The following GRM8 variants were observed in gnomAD, a reference collection of about 807,000 sequenced individuals.
GRM8 encodes the protein metabotropic glutamate receptor 8.
A neutral mutation model predicts 87.2 loss-of-function variants in GRM8; 47 were observed. The ratio of observed to expected loss-of-function variants is 0.54; its 90% CI spans 0.43 to 0.69. The LOEUF is 0.69. Ranked by LOEUF, GRM8 falls within the 30% of genes least tolerant of loss-of-function variation. The probability of loss-of-function intolerance (pLI) is 0.00; values close to 1 mark genes in which losing one functional copy is unlikely to be tolerated. For synonymous variants in GRM8, 396 were observed against 404.5 expected, an observed-to-expected ratio of 0.98 and a Z score of 0.25; for missense variants, 1,019 against 1,139.2, an observed-to-expected ratio of 0.89 and a Z score of 1.52.
chr7:126,758,014 T>C (rs968191527), intron 7 of GRM8, among the ~76,000 whole-genome samples: 5 of 152,114 alleles, frequency 3.3e-5, no homozygotes, highest in Non-Finnish European at 7.4e-5. Flanking sequence ...CTTTTGGGAA[T>C]AGATGAATAA....
At chr7:126,776,817 C>T (rs1206255092) in intron 6 of GRM8, among the ~76,000 whole-genome samples, 1 of 152,140 alleles carries the variant, frequency 6.6e-6, no homozygotes, top group African/African-American at 2.4e-5. Flanking sequence ...GAACAAGATG[C>T]TCTGTCAGGG....
At chr7:126,971,098 T>C (rs1810370929) in intron 3 of GRM8, among the ~76,000 whole-genome samples, 1 of 148,734 alleles carries the variant, frequency 6.7e-6, no homozygotes, top group Non-Finnish European at 1.5e-5. Flanking sequence ...ACACACGCTG[T>C]TGGAAAAATG....
intron 3 of GRM8, among the ~76,000 whole-genome samples, chr7:126,906,529 A>G (rs1802693181): frequency 6.6e-6 from 1 of 152,134 alleles, no homozygotes; most frequent in Non-Finnish European, 1.5e-5. Context: ...CTAAGACATC[A>G]AATAACTTGG....
At chr7:127,078,305 C>A (rs1822498005) in intron 3 of GRM8, among the ~76,000 whole-genome samples, 1 of 152,200 alleles carries the variant, frequency 6.6e-6, no homozygotes, top group Non-Finnish European at 1.5e-5. Context: ...CACCGTCCTA[C>A]CATCCGTCTA....
intron 7 of GRM8, among the ~76,000 whole-genome samples, chr7:126,684,920 G>A (rs1469009441): frequency 2.0e-5 from 3 of 152,192 alleles, no homozygotes; most frequent in Admixed American, 6.5e-5. Context: ...CTGGCCTAAT[G>A]TGTTACTGAT....
chr7:127,214,308 C>G (rs950700719), intron 2 of GRM8, among the ~76,000 whole-genome samples: 1 of 152,112 alleles, frequency 6.6e-6, no homozygotes, highest in Non-Finnish European at 1.5e-5. Context: ...GATCTGAATA[C>G]TGGTTACATA....
rs138394073 is a variant in GRM8 at position 126,613,041 on chromosome 7, G to C, written c.1358-3543C>G. Among the ~76,000 whole-genome samples, 435 of 152,264 alleles carry C rather than the reference G, an allele frequency of 2.9e-3. 11 individuals are homozygous for C. The South Asian group carries it at 0.042, about 15-fold the overall frequency. On this transcript the variant is annotated intron_variant, in intron 7 of 10. Transcript: ENST00000339582. ...TCTTGTTTTCCTAATGCGATTTCTA[G>C]TCTTAAATTAGGCTTGCAGTTGAAT...
intron 8 of GRM8, among the ~76,000 whole-genome samples, chr7:126,594,612 G>A (rs536201584): frequency 6.6e-6 from 1 of 152,162 alleles, no homozygotes; most frequent in South Asian, 2.1e-4. Context: ...TTGGGCAAAA[G>A]ATACAAAATT....
chr7:126,446,108 A>G lies in GRM8; in HGVS notation c.2677+18T>C, dbSNP rs747623488. On this transcript the variant is annotated intron_variant, in intron 10 of 10. Transcript: ENST00000339582. ...GTGCTCCCGCTCTTGACCATCGGAA[A>G]CTCTACAGATGACTTACTGTTGGTT... 1.3e-5 allele frequency: 21 copies of G among 1,612,266 alleles called. No homozygotes were observed. In the East Asian group the frequency reaches 4.0e-4, roughly 31 times the overall value.
chr7:126,994,112 C>A (rs1812942149), intron 3 of GRM8, among the ~76,000 whole-genome samples: 1 of 152,134 alleles, frequency 6.6e-6, no homozygotes, highest in African/African-American at 2.4e-5. Flanking sequence ...GACAGAAGAG[C>A]AAAGAGACTT....
At position 127,012,186 on chromosome 7, in the gene GRM8, C is replaced by T. The variant is rs1016585455; in HGVS notation, c.727+94310G>A. 6.6e-5 allele frequency among the ~76,000 whole-genome samples: 10 copies of T among 152,278 alleles called. No individual in the cohort carries two copies. The East Asian group carries it at 1.9e-3, about 30-fold the overall frequency. On this transcript the variant is annotated intron_variant, in intron 3 of 10. Coordinates refer to ENST00000339582, the MANE Select transcript of GRM8 (RefSeq NM_000845.3). ...ATATGAGATCCAAGCACCTGCAACT[C>T]CTCAAATCCACCTGAAGCCAATCCA...
At chr7:126,709,253 A>T (rs1810856295) in intron 7 of GRM8, among the ~76,000 whole-genome samples, 2 of 152,126 alleles carry the variant, frequency 1.3e-5, no homozygotes, top group South Asian at 4.1e-4. Flanking sequence ...ACCTATTAAG[A>T]TAGCTGCTAT....
At chr7:127,104,757 G>T (rs1255509780) in intron 3 of GRM8, among the ~76,000 whole-genome samples, 4 of 152,166 alleles carry the variant, frequency 2.6e-5, no homozygotes, top group Non-Finnish European at 5.9e-5. Flanking sequence ...CAGGAGTAAT[G>T]AATGGCACCA....
At chr7:126,767,713 T>A (rs1818346541) in intron 7 of GRM8, among the ~76,000 whole-genome samples, 1 of 152,166 alleles carries the variant, frequency 6.6e-6, no homozygotes, top group South Asian at 2.1e-4. Flanking sequence ...CATAAGTCAA[T>A]AATAAAATTA....
At chr7:126,953,486 G>T (rs1189727914) in intron 3 of GRM8, among the ~76,000 whole-genome samples, 4 of 152,114 alleles carry the variant, frequency 2.6e-5, no homozygotes, top group African/African-American at 9.6e-5. Flanking sequence ...TTGGCTTAAA[G>T]AAACTCTATT....
At chr7:126,734,448 T>C (rs904042313) in intron 7 of GRM8, among the ~76,000 whole-genome samples, 1 of 151,520 alleles carries the variant, frequency 6.6e-6, no homozygotes, top group Non-Finnish European at 1.5e-5. Context: ...AGACAATTCA[T>C]AGCAGATCTA....
At chr7:127,078,271 G>GCTTT (rs1460773014) in intron 3 of GRM8, among the ~76,000 whole-genome samples, 3 of 152,186 alleles carry the variant, frequency 2.0e-5, no homozygotes, top group Admixed American at 6.5e-5. Flanking sequence ...CTCCATCTGT[G>GCTTT]CTTTCATGAC....
chr7:126,639,453 T>C (rs962536950), intron 7 of GRM8, among the ~76,000 whole-genome samples: 3 of 152,108 alleles, frequency 2.0e-5, no homozygotes, highest in Non-Finnish European at 4.4e-5. Context: ...TGAAGACAAT[T>C]CCATAGGCTT....
At chr7:126,778,269 T>G (rs1474788196) in intron 6 of GRM8, among the ~76,000 whole-genome samples, 1 of 152,162 alleles carries the variant, frequency 6.6e-6, no homozygotes, top group Non-Finnish European at 1.5e-5. Context: ...GAGGAGACAC[T>G]TGTAAATCAA....
Sources: allele counts gnomAD v4.1 joint callset (sites outside exome capture counted in the v4.1 genomes callset), GRCh38; gene constraint gnomAD v4.1.1; transcripts MANE v1.5; gene names NCBI Gene and HGNC (gene_info 2026-07-23, HGNC 2026-07-21).